Variants in RIPOR2 observed in about 807,000 individuals in gnomAD.
RIPOR2 encodes the protein rho family-interacting cell polarization regulator 2.
A neutral mutation model predicts 114.5 loss-of-function variants in RIPOR2; 39 were observed. The ratio of observed to expected loss-of-function variants is 0.34; its 90% CI spans 0.26 to 0.44. The LOEUF (loss-of-function observed/expected upper bound fraction) is 0.44. Ranked by LOEUF, RIPOR2 falls within the 20% of genes least tolerant of loss-of-function variation. The pLI, the probability that RIPOR2 is intolerant of heterozygous loss-of-function variation, is 1.00. For synonymous variants in RIPOR2, 445 were observed against 484.4 expected (o/e 0.92, Z 1.07); for missense variants, 1,007 against 1,255.1 (o/e 0.80, Z 2.99).
chr6:24,933,013 A>G (rs1354466444), intron 1 of RIPOR2, among the ~76,000 whole-genome samples: 1 of 152,210 alleles, frequency 6.6e-6, no homozygotes, highest in Non-Finnish European at 1.5e-5. Context: ...CTCAAAGAAG[A>G]TAAATGACTT....
intron 12 of RIPOR2, chr6:24,847,397 G>A (rs1247549221): frequency 5.9e-6 from 4 of 676,436 alleles, no homozygotes; most frequent in African/African-American, 3.6e-5. Context: ...TTACATGCAC[G>A]ACCAAGTGTC....
intron 1 of RIPOR2, among the ~76,000 whole-genome samples, chr6:24,965,294 C>A (rs970862075): frequency 1.3e-5 from 2 of 152,028 alleles, no homozygotes; most frequent in African/African-American, 2.4e-5. Context: ...CACACTACTA[C>A]ACTCAACAAA....
At chr6:25,007,529 A>G (rs907905245) in intron 1 of RIPOR2, among the ~76,000 whole-genome samples, 3 of 152,196 alleles carry the variant, frequency 2.0e-5, no homozygotes, top group Non-Finnish European at 4.4e-5. Flanking sequence ...GCAAGATATG[A>G]TCAAATGAAG....
chr6:24,944,669 T>C (rs1431034185), intron 1 of RIPOR2, among the ~76,000 whole-genome samples: 2 of 152,204 alleles, frequency 1.3e-5, no homozygotes, highest in Admixed American at 6.5e-5. Context: ...CCAGATTTGA[T>C]GAACAAGATT....
intron 1 of RIPOR2, among the ~76,000 whole-genome samples, chr6:24,920,980 T>C (rs1212229803): frequency 6.6e-6 from 1 of 152,106 alleles, no homozygotes; most frequent in African/African-American, 2.4e-5. Flanking sequence ...TTTCCCCTAT[T>C]CCCCCATCTT....
At chr6:24,862,685 T>A (rs546360325) in intron 7 of RIPOR2, among the ~76,000 whole-genome samples, 1 of 152,250 alleles carries the variant, frequency 6.6e-6, no homozygotes, top group South Asian at 2.1e-4. Context: ...TTTCCAGACA[T>A]ATCAACTATG....
At chr6:25,022,266 G>A (rs1345252363) in intron 1 of RIPOR2, among the ~76,000 whole-genome samples, 2 of 152,034 alleles carry the variant, frequency 1.3e-5, no homozygotes, top group South Asian at 4.2e-4. Flanking sequence ...CCAATGATTC[G>A]CTTTCTGTCC....
chr6:24,998,731 C>G (rs534894846), intron 1 of RIPOR2, among the ~76,000 whole-genome samples: 7 of 152,248 alleles, frequency 4.6e-5, no homozygotes, highest in African/African-American at 1.7e-4. Context: ...TAGGTGAAGA[C>G]AGGCTGCTGT....
Position 24,978,926 on chromosome 6 carries a change from C to T in RIPOR2, c.76+62925G>A, listed in dbSNP as rs80105644. Among the ~76,000 whole-genome samples the T allele has an allele frequency of 9.5e-3, 1,441 of 152,258 alleles. 15 individuals carry two copies. Among genetic ancestry groups the T allele is most frequent in the African/African-American group, 0.03 (1,244 of 41,546 alleles). On this transcript the variant is annotated intron_variant, in intron 1 of 13. Coordinates refer to the RIPOR2 transcript ENST00000510784. ...TGTGAAAAGGTCCCAGAATGGAAAT[C>T]GTGACAGAATGCTAGTGATATAAAC...
chr6:24,865,014 C>G (rs1157766484), intron 7 of RIPOR2, among the ~76,000 whole-genome samples: 1 of 152,168 alleles, frequency 6.6e-6, no homozygotes, highest in African/African-American at 2.4e-5. Context: ...GTGGCGCGAT[C>G]GTAGCTCACC....
At chr6:25,010,436 C>T (rs1008502259) in intron 1 of RIPOR2, among the ~76,000 whole-genome samples, 3 of 152,248 alleles carry the variant, frequency 2.0e-5, no homozygotes, top group South Asian at 2.1e-4. Context: ...TGCGAGGCTT[C>T]GTGTACAGCC....
At chr6:24,964,147 C>CTGTGTGTGTG (rs70974955) in intron 1 of RIPOR2, among the ~76,000 whole-genome samples, 5,580 of 146,632 alleles carry the variant, frequency 0.038, 110 homozygotes, top group East Asian at 0.094. Flanking sequence ...GACATTGGCT[C>CTGTGTGTGTG]TGTGTGTGTG....
chr6:25,004,799 A>ATGTGTGCATGCGCACG (rs1480889698), intron 1 of RIPOR2, among the ~76,000 whole-genome samples: 1 of 151,968 alleles, frequency 6.6e-6, no homozygotes, highest in African/African-American at 2.4e-5. Context: ...GTTTGTATGT[A>ATGTGTGCATGCGCACG]TGTGTGCATG....
At chr6:24,819,369 A>G (rs1291064491) in intron 19 of RIPOR2, among the ~76,000 whole-genome samples, 1 of 152,142 alleles carries the variant, frequency 6.6e-6, no homozygotes, top group Non-Finnish European at 1.5e-5. Context: ...AAGTTGATTG[A>G]AAAAAAGGTA....
upstream of RIPOR2, among the ~76,000 whole-genome samples, chr6:24,940,434 G>A (rs1772062662): frequency 6.6e-6 from 1 of 152,082 alleles, no homozygotes; most frequent in Non-Finnish European, 1.5e-5. Context: ...CTAATTAGGA[G>A]CAAAATGTTC....
At chr6:24,952,669 T>A (rs1285659094) in intron 1 of RIPOR2, among the ~76,000 whole-genome samples, 1 of 152,238 alleles carries the variant, frequency 6.6e-6, no homozygotes, top group Non-Finnish European at 1.5e-5. Context: ...TTTATTTAAT[T>A]GCACACTTAT....
rs903739065 is a variant in RIPOR2, at chr6:24,935,863, A to G, written c.36T>C (p.Asp12=). ...CTTCACCAAAAACATCATCCTCTTC[A>G]TCGACCAGGAGCTCCTCAGCATCAA... ...QFFDAEELLV[D]EEDDVFGEGL... is the part of the protein sequence containing the mutation. The change falls in exon 1 of 22, where the codon GAT becomes GAC. Residue 12 remains aspartate, a synonymous_variant. Transcript: ENST00000643898. The G allele has an allele frequency of 3.3e-6, 5 of 1,535,404 alleles. No homozygotes were observed. Among genetic ancestry groups the G allele is most frequent in the African/African-American group, 1.4e-5 (1 of 73,032 alleles).
chr6:24,936,816 C>T (rs1771835480), upstream of RIPOR2, among the ~76,000 whole-genome samples: 1 of 152,152 alleles, frequency 6.6e-6, no homozygotes, highest in African/African-American at 2.4e-5. Context: ...CGGGGTTTCC[C>T]AGAGCACTCC....
chr6:24,807,098 T>C (rs1331957898), intron 21 of RIPOR2, among the ~76,000 whole-genome samples: 1 of 152,212 alleles, frequency 6.6e-6, no homozygotes, highest in Non-Finnish European at 1.5e-5. Flanking sequence ...GAAAATAAAA[T>C]GCAAAGACAA....
Sources: gnomAD v4.1 joint callset for allele counts (sites outside exome capture counted in the v4.1 genomes callset) on GRCh38, gnomAD v4.1.1 for gene constraint, MANE v1.5 for transcripts, NCBI Gene and HGNC (gene_info 2026-07-23, HGNC 2026-07-21) for gene names.